Variants in NKD1 observed in about 807,000 individuals in gnomAD.
NKD1 encodes NKD inhibitor of Wnt signaling pathway 1.
A neutral mutation model predicts 56.0 loss-of-function variants in NKD1; 21 were observed. That is an observed-to-expected ratio of 0.38 (90% CI 0.27 to 0.54). The LOEUF is 0.54. Ranked by LOEUF, NKD1 falls within the 20% of genes least tolerant of loss-of-function variation. The pLI, the probability that NKD1 is intolerant of heterozygous loss-of-function variation, is 0.82. For synonymous variants in NKD1, 263 were observed against 265.7 expected (o/e 0.99, Z 0.10); for missense variants, 578 against 642.7 (o/e 0.90, Z 1.09).
At chr16:50,569,590 C>G (rs1960838018) in intron 3 of NKD1, among the ~76,000 whole-genome samples, 2 of 152,134 alleles carry the variant, frequency 1.3e-5, no homozygotes, top group Non-Finnish European at 2.9e-5. Context: ...AATTTCCTTA[C>G]CAATAAAATG....
intron 3 of NKD1, among the ~76,000 whole-genome samples, chr16:50,600,422 G>A (rs574234575): frequency 6.6e-6 from 1 of 151,780 alleles, no homozygotes; most frequent in African/African-American, 2.4e-5. Flanking sequence ...GTGATCATGC[G>A]ACTGCACTCC....
At chr16:50,551,020 A>G (rs1960372300) in intron 3 of NKD1, among the ~76,000 whole-genome samples, 1 of 152,204 alleles carries the variant, frequency 6.6e-6, no homozygotes, top group South Asian at 2.1e-4. Context: ...AAAACTTGAA[A>G]TACAGCGAGG....
chr16:50,549,781 A>G (rs1011284800), intron 3 of NKD1, among the ~76,000 whole-genome samples: 18 of 152,084 alleles, frequency 1.2e-4, no homozygotes, highest in Admixed American at 4.6e-4. Context: ...GAAAGGTCCT[A>G]GGTGGGGAGG....
At chr16:50,599,595 G>A (rs989532932) in intron 3 of NKD1, among the ~76,000 whole-genome samples, 1 of 152,152 alleles carries the variant, frequency 6.6e-6, no homozygotes, top group Non-Finnish European at 1.5e-5. Flanking sequence ...GGCAGATGTC[G>A]CACACTGACT....
At chr16:50,618,552 C>A (rs1382532223) in intron 4 of NKD1, among the ~76,000 whole-genome samples, 4 of 152,252 alleles carry the variant, frequency 2.6e-5, no homozygotes, top group African/African-American at 4.8e-5. Flanking sequence ...GGCCTGGCGC[C>A]TGCCCCTGGC....
chr16:50,554,191 G>A (rs537632180), intron 3 of NKD1, among the ~76,000 whole-genome samples: 50 of 152,232 alleles, frequency 3.3e-4, no homozygotes, highest in African/African-American at 1.1e-3. Context: ...TCACATTTTT[G>A]TAGGAAACCT....
rs527320687 is a variant in NKD1 at position 50,620,468 on chromosome 16, C to T, written c.260-1134C>T. On this transcript the variant is annotated intron_variant, in intron 4 of 9. Coordinates refer to ENST00000268459, the MANE Select transcript of NKD1 (RefSeq NM_033119.5). ...CTCTGACTGGGGAGTCTCAGCACCT[C>T]ACATGACCCCCTGGCCACCCTTGGG... Among the ~76,000 whole-genome samples the T allele has an allele frequency of 5.3e-5, 8 of 152,320 alleles. No individual in the cohort carries two copies. The South Asian group carries it at 1.7e-3, about 32-fold the overall frequency.
At chr16:50,600,946 G>A (rs1306137908) in intron 3 of NKD1, among the ~76,000 whole-genome samples, 4 of 152,214 alleles carry the variant, frequency 2.6e-5, no homozygotes, top group African/African-American at 9.6e-5. Flanking sequence ...TGAAGGCCGG[G>A]GATCTACAGT....
At chr16:50,554,482 C>T (rs1053586541) in intron 3 of NKD1, among the ~76,000 whole-genome samples, 1 of 152,186 alleles carries the variant, frequency 6.6e-6, no homozygotes, top group Non-Finnish European at 1.5e-5. Flanking sequence ...CCCAGCTCCT[C>T]TTCCCTGGTC....
rs117372389 is a variant in NKD1, at chr16:50,634,166, G to T, written c.*385G>T. The T allele has an allele frequency of 0.012, 2,161 of 183,484 alleles. 28 individuals are homozygous for T. The highest frequency in any genetic ancestry group is 0.035 in the Middle Eastern group (16 of 452). The allele number at this position is 183,484 out of a possible 1,614,324, so 11.4% of individuals were successfully genotyped here. On this transcript the variant is annotated 3_prime_UTR_variant, in exon 10 of 10. Transcript: ENST00000268459. ...CAGGAGAGCACCCTTACTTGGCCCG[G>T]CTTCCAGAGACCCTCGAAATCTCCG...
At position 50,598,262 on chromosome 16, in the gene NKD1, T is replaced by TGTGTGTGTGCGCGCGC. The variant is rs138964473; in HGVS notation, c.193-10031_193-10030insTGTGTGTGCGCGCGCG. Among the ~76,000 whole-genome samples, 197 of 148,648 alleles carry TGTGTGTGTGCGCGCGC rather than the reference T, an allele frequency of 1.3e-3. No individual in the cohort carries two copies. The highest frequency in any genetic ancestry group is 4.2e-3 in the African/African-American group (163 of 39,148). The stretch of plus-strand genomic sequence containing the variant: ...GTGTGTGTGTGTGTGTGTGTGTGTG[T>TGTGTGTGTGCGCGCGC]GCGCGCACACCTGTGCTCATGGACA... On this transcript the variant is annotated intron_variant, in intron 3 of 9. Transcript: ENST00000268459. This position sits in a 1 kb window ranked among gnomAD's most constrained non-coding sequence, Gnocchi z 4.2.
chr16:50,548,681 TGCCGCCGCCGCC>T (rs544250205), intron 1 of NKD1, 24 bp from the exon 2 acceptor site: 1 of 1,456,806 alleles, frequency 6.9e-7, no homozygotes, highest in Non-Finnish European at 9.0e-7. Flanking sequence ...CCGCCGCGGC[TGCCGCCGCCGCC>T]GCCGCCTCGC....
rs192678334 is a variant in NKD1, at chr16:50,611,960, T to C, written c.259+3600T>C. 2.6e-5 allele frequency among the ~76,000 whole-genome samples: 4 copies of C among 152,166 alleles called. No individual in the cohort carries two copies. The South Asian group carries it at 6.2e-4, about 24-fold the overall frequency. On this transcript the variant is annotated intron_variant, in intron 4 of 9. Transcript: ENST00000268459. ...TGGGTTCAGTTTTCTTGAAGAGGTG[T>C]CAGCCCGTGTTTATAATCATTTACC...
rs1038817560 is a variant in NKD1 at position 50,640,620 on chromosome 16, G to A, written c.*6839G>A. The A allele has an allele frequency of 3.3e-5, 5 of 152,166 alleles. No individual in the cohort carries two copies. The highest frequency in any genetic ancestry group is 1.2e-4 in the African/African-American group (5 of 41,414). The allele number at this position is 152,166 out of a possible 1,614,324, so 9.4% of individuals were successfully genotyped here. A position where few individuals can be genotyped will look rare whatever the true frequency, so the allele number is the denominator to read the frequency against. Reference sequence around the variant, plus strand: ...AATGAGTGATCAAGGGAGGGAGGAGGGAGTGGAGTGGAGATTTCTCATCCT... The same window carrying A: ...AATGAGTGATCAAGGGAGGGAGGAGAGAGTGGAGTGGAGATTTCTCATCCT... On this transcript the variant is annotated 3_prime_UTR_variant, in exon 10 of 10. Transcript: ENST00000268459.
intron 5 of NKD1, among the ~76,000 whole-genome samples, chr16:50,625,030 C>G (rs966756597): frequency 3.3e-5 from 5 of 152,166 alleles, no homozygotes; most frequent in East Asian, 1.9e-4. Flanking sequence ...CAGGGTCACA[C>G]AGCTGTGGAG....
chr16:50,594,575 CAA>C (rs972474668), intron 3 of NKD1, among the ~76,000 whole-genome samples: 1 of 152,232 alleles, frequency 6.6e-6, no homozygotes, highest in Admixed American at 6.5e-5. Context: ...CCATTTCAGG[CAA>C]AGTCTTGGCT....
chr16:50,550,525 C>G (rs1350277221), intron 3 of NKD1, among the ~76,000 whole-genome samples: 1 of 151,980 alleles, frequency 6.6e-6, no homozygotes, highest in Non-Finnish European at 1.5e-5. Context: ...GGAGGTGGAC[C>G]TGTGGATAAA....
chr16:50,586,290 C>T lies in NKD1; in HGVS notation c.193-22004C>T, dbSNP rs1020597134. ...GGATCTGGTTAGTCAAGGTGGTGGC[C>T]CACTGGTGAGTGGATGGGGGACTTC... On this transcript the variant is annotated intron_variant, in intron 3 of 9. Transcript: ENST00000268459. 1.0e-4 allele frequency among the ~76,000 whole-genome samples: 15 copies of T among 150,426 alleles called. 1 individual carries two copies. The South Asian group carries it at 1.1e-3, about 11-fold the overall frequency.
At chr16:50,618,511 G>A (rs1445430093) in intron 4 of NKD1, among the ~76,000 whole-genome samples, 1 of 152,224 alleles carries the variant, frequency 6.6e-6, no homozygotes, top group Non-Finnish European at 1.5e-5. Flanking sequence ...GCTTGACTTA[G>A]TTTAGTTTCA....
Sources: gnomAD v4.1 joint callset for allele counts (sites outside exome capture counted in the v4.1 genomes callset) on GRCh38, gnomAD v4.1.1 for gene constraint, Gnocchi (gnomAD v3.1) non-coding constraint, MANE v1.5 for transcripts, NCBI Gene and HGNC (gene_info 2026-07-23, HGNC 2026-07-21) for gene names.